The following PDCD11 variants were observed in gnomAD, a reference collection of about 807,000 sequenced individuals.
PDCD11 encodes protein RRP5 homolog.
A neutral mutation model predicts 198.9 loss-of-function variants in PDCD11; 97 were observed. The observed-to-expected ratio is 0.49, with a 90% CI of 0.41 to 0.58. PDCD11 has a LOEUF of 0.58. PDCD11 is among the 20% of genes least tolerant of loss of function. The pLI is 0.00. For missense variants in PDCD11, 2,102 were observed against 2,312.7 expected, an observed-to-expected ratio of 0.91 and a Z score of 1.87; for synonymous variants, 893 against 918.0, an observed-to-expected ratio of 0.97 and a Z score of 0.49.
intron 33 of PDCD11, among the ~76,000 whole-genome samples, 175 bp downstream of exon 33, chr10:103,443,508 G>T (rs150691120): frequency 2.7e-4 from 41 of 152,314 alleles, no homozygotes; most frequent in Non-Finnish European, 6.0e-4. Flanking sequence ...CTTCAGGCCT[G>T]TGGGGTCAAG....
At chr10:103,426,938 A>T (rs1430700339) in intron 20 of PDCD11, among the ~76,000 whole-genome samples, 1 of 151,252 alleles carries the variant, frequency 6.6e-6, no homozygotes. Flanking sequence ...CAAAAAAAAA[A>T]ATAAATAAAT....
intron 23 of PDCD11, 101 bp from the exon 24 acceptor site, chr10:103,434,147 G>C (rs978858296): frequency 1.0e-5 from 12 of 1,195,602 alleles, no homozygotes; most frequent in Non-Finnish European, 1.2e-5. Context: ...TTTATTTAAG[G>C]GTTGCTTTGG....
At chr10:103,417,981 G>T in intron 14 of PDCD11, 49 bp downstream of exon 14, 1 of 1,599,624 alleles carries the variant, frequency 6.3e-7, no homozygotes, top group Non-Finnish European at 8.5e-7. Context: ...GTGGCAGAGA[G>T]CAGGGAACCA....
chr10:103,439,145 C>T (rs1330163415), intron 27 of PDCD11, among the ~76,000 whole-genome samples: 1 of 152,008 alleles, frequency 6.6e-6, no homozygotes, highest in Non-Finnish European at 1.5e-5. Flanking sequence ...TCAAGACCAG[C>T]CTGGGCAACA....
In PDCD11 at chr10:103,425,491, C is replaced by T. The variant is rs769803088; in HGVS notation, c.3271C>T (p.Arg1091Ter). 5.6e-6 allele frequency: 9 copies of T among 1,611,540 alleles called. No homozygotes were observed. The highest frequency in any genetic ancestry group is 5.5e-5 in the South Asian group (5 of 91,032). Residue 1091 changes from arginine (R) to a stop codon, truncating the protein, a stop_gained, in exon 20 of 36, where the codon CGA becomes TGA. Coordinates refer to ENST00000369797, the MANE Select transcript of PDCD11 (RefSeq NM_014976.2). LOFTEE classifies it high-confidence loss of function. ...KLKVGKTVTARVIGGRDMKTF... is the reference protein window; with the variant it reads ...KLKVGKTVTA ...GAAGGTTGGGAAGACGGTCACTGCC[C>T]GAGTGATTGGCGGGCGAGACATGAA...
intron 22 of PDCD11, among the ~76,000 whole-genome samples, chr10:103,433,656 T>C (rs1211225174): frequency 6.6e-6 from 1 of 152,206 alleles, no homozygotes; most frequent in Non-Finnish European, 1.5e-5. Flanking sequence ...CAGAGGTCTG[T>C]GGGATTGGTT....
At chr10:103,443,471 T>A in intron 33 of PDCD11, 138 bp downstream of exon 33, 2 of 635,530 alleles carry the variant, frequency 3.1e-6, no homozygotes, top group Non-Finnish European at 5.3e-6. Flanking sequence ...ATCTTCCAAG[T>A]AAAAGAAGTC....
intron 3 of PDCD11, among the ~76,000 whole-genome samples, chr10:103,402,020 G>A (rs576438984): frequency 6.6e-6 from 1 of 152,332 alleles, no homozygotes; most frequent in Admixed American, 6.5e-5. Context: ...GGGATTACAG[G>A]CGTGAGCCAC....
chr10:103,399,786 C>G (rs2093454777), intron 2 of PDCD11: 1 of 152,202 alleles, frequency 6.6e-6, no homozygotes, highest in Non-Finnish European at 1.5e-5. Context: ...CTTCTTGGTT[C>G]AAGCAATTCT....
chr10:103,423,847 G>A (rs1209984906), intron 19 of PDCD11, among the ~76,000 whole-genome samples, 189 bp downstream of exon 19: 3 of 152,154 alleles, frequency 2.0e-5, no homozygotes, highest in African/African-American at 7.2e-5. Flanking sequence ...TTCTGGTTCC[G>A]GTGATAAGTT....
In PDCD11 at chr10:103,411,455, TC is replaced by T. The variant is rs1262198073; in HGVS notation, c.978+1651del. The stretch of plus-strand genomic sequence containing the variant: ...ACCACGGTTAATTGCAACCTCAACC[TC>T]CTGGGTTCAGGCGATCCTTCCACCT... On this transcript the variant is annotated intron_variant, in intron 8 of 35. Coordinates refer to ENST00000369797, the MANE Select transcript of PDCD11 (RefSeq NM_014976.2). 2.0e-5 allele frequency among the ~76,000 whole-genome samples: 3 copies of T among 152,322 alleles called. No individual in the cohort carries two copies. The East Asian group carries it at 5.8e-4, about 29-fold the overall frequency.
chr10:103,444,867 G>A (rs539891666), intron 35 of PDCD11, among the ~76,000 whole-genome samples, 185 bp downstream of exon 35: 1 of 152,346 alleles, frequency 6.6e-6, no homozygotes, highest in South Asian at 2.1e-4. Flanking sequence ...CATCTGGTCT[G>A]TGTCTGAAAC....
chr10:103,405,687 T>C (rs978073567), intron 5 of PDCD11, among the ~76,000 whole-genome samples: 3 of 152,208 alleles, frequency 2.0e-5, no homozygotes, highest in Admixed American at 6.5e-5. Flanking sequence ...TGAGCCACTG[T>C]GCCCTGCCGA....
rs762161295 is a variant in PDCD11, at chr10:103,442,470, T to C, written c.4955+10T>C. The C allele has an allele frequency of 6.2e-7, 1 of 1,611,554 alleles. No individual in the cohort carries two copies. Among genetic ancestry groups the C allele is most frequent in the South Asian group, 1.1e-5 (1 of 91,030 alleles). Reference sequence around the variant, plus strand: ...AGACCATCTCCTTCAGGTCTCAGCTTTGCCCCAGGGAGCACAGTGTCTTCG... The same window carrying C: ...AGACCATCTCCTTCAGGTCTCAGCTCTGCCCCAGGGAGCACAGTGTCTTCG... On this transcript the variant is annotated intron_variant, in intron 32 of 35. Transcript: ENST00000369797.
chr10:103,440,956 C>G (rs1269092199), intron 30 of PDCD11, 106 bp downstream of exon 30: 1 of 773,040 alleles, frequency 1.3e-6, no homozygotes, highest in Non-Finnish European at 2.1e-6. Context: ...AATACGAAAG[C>G]AGGGGCTGTC....
intron 9 of PDCD11, 38 bp downstream of exon 9, chr10:103,413,360 C>G (rs776891213): frequency 6.5e-7 from 1 of 1,535,654 alleles, no homozygotes; most frequent in Admixed American, 1.7e-5. Context: ...GATCTTATCA[C>G]TGGAAGGACT....
intron 30 of PDCD11, 72 bp downstream of exon 30, chr10:103,440,922 C>T: frequency 9.7e-7 from 1 of 1,032,256 alleles, no homozygotes; most frequent in South Asian, 1.6e-5. Context: ...TCTGCCTCAT[C>T]CTCTTTTACT....
chr10:103,407,725 CT>C (rs778091434), intron 7 of PDCD11, among the ~76,000 whole-genome samples: 28 of 146,622 alleles, frequency 1.9e-4, no homozygotes, highest in Admixed American at 2.1e-4. Context: ...GCATGACTTT[CT>C]TTTTTTTTTT....
At chr10:103,425,725 G>GC (rs1485083796) in intron 20 of PDCD11, among the ~76,000 whole-genome samples, 200 bp downstream of exon 20, 1 of 151,970 alleles carries the variant, frequency 6.6e-6, no homozygotes, top group African/African-American at 2.4e-5. Context: ...TGTTGCCCAG[G>GC]CTGAAGTGCA....
Sources: gnomAD v4.1 joint callset for allele counts (sites outside exome capture counted in the v4.1 genomes callset) on GRCh38, gnomAD v4.1.1 for gene constraint, MANE v1.5 for transcripts, NCBI Gene and HGNC (gene_info 2026-07-23, HGNC 2026-07-21) for gene names.